Variants in SPINK6 observed in about 807,000 individuals in gnomAD.
SPINK6 encodes the protein serine protease inhibitor Kazal-type 6.
A neutral mutation model predicts 11.7 loss-of-function variants in SPINK6; 13 were observed. The ratio of observed to expected loss-of-function variants is 1.11; its 90% CI spans 0.72 to 1.76. The LOEUF is 1.76. Among genes scored for constraint, SPINK6 ranks in the 40% most tolerant of loss-of-function variants. The probability of loss-of-function intolerance (pLI) is 0.00; values close to 1 mark genes in which losing one functional copy is unlikely to be tolerated. For synonymous variants in SPINK6, 21 were observed against 31.9 expected, an observed-to-expected ratio of 0.66 and a Z score of 1.15; for missense variants, 98 against 93.7, an observed-to-expected ratio of 1.05 and a Z score of -0.19.
At position 148,215,050 on chromosome 5, in the gene SPINK6, C is replaced by A; in HGVS notation, c.*100C>A. 8.9e-7 allele frequency: 1 copy of A among 1,128,928 alleles called. No individual in the cohort carries two copies. The highest frequency in any genetic ancestry group is 1.3e-6 in the Non-Finnish European group (1 of 750,972). The allele number at this position is 1,128,928 out of a possible 1,614,324, so 69.9% of individuals were successfully genotyped here. On this transcript the variant is annotated 3_prime_UTR_variant, in exon 4 of 4. Transcript: ENST00000325630. The stretch of plus-strand genomic sequence containing the variant: ...GGTGGATTCCTTTAATTCATAAAGA[C>A]ATACCTACTCTGCCTGGGTCTTGAG...
At chr5:148,208,282 A>G (rs1406055678) in intron 2 of SPINK6, among the ~76,000 whole-genome samples, 1 of 152,180 alleles carries the variant, frequency 6.6e-6, no homozygotes, top group Non-Finnish European at 1.5e-5. Flanking sequence ...CTCCACTCAA[A>G]TATAAATGAC....
intron 2 of SPINK6, among the ~76,000 whole-genome samples, chr5:148,206,791 A>G (rs539874901): frequency 6.6e-5 from 10 of 152,268 alleles, no homozygotes; most frequent in African/African-American, 1.2e-4. Flanking sequence ...TCCTTTGTCC[A>G]TATTAAGCAT....
At chr5:148,212,595 TATAA>T (rs1336127696) in intron 2 of SPINK6, among the ~76,000 whole-genome samples, 4 of 105,802 alleles carry the variant, frequency 3.8e-5, no homozygotes, top group African/African-American at 1.6e-4. Flanking sequence ...ATATATTTTA[TATAA>T]TATATAATAT....
At chr5:148,209,992 A>ACACAGG (rs1561732169) in intron 2 of SPINK6, among the ~76,000 whole-genome samples, 1 of 145,766 alleles carries the variant, frequency 6.9e-6, no homozygotes, top group Non-Finnish European at 1.5e-5. Flanking sequence ...ATGTATACAT[A>ACACAGG]TACACGTATG....
chr5:148,208,466 GA>G (rs1444008266), intron 2 of SPINK6, among the ~76,000 whole-genome samples: 1 of 152,160 alleles, frequency 6.6e-6, no homozygotes, highest in Non-Finnish European at 1.5e-5. Flanking sequence ...CTCCAACACT[GA>G]AGTAATTCTT....
chr5:148,210,239 CGTAT>C lies in SPINK6; in HGVS notation c.82-3666_82-3663del, dbSNP rs1230338913. On this transcript the variant is annotated intron_variant, in intron 2 of 3. Transcript: ENST00000325630. ...ATGCATATGTATTTCTGCATGCATA[CGTAT>C]GTATTTCTGCATACATATATATGTA... 1.1e-3 allele frequency among the ~76,000 whole-genome samples: 124 copies of C among 112,816 alleles called. 1 individual carries two copies. Among genetic ancestry groups the C allele is most frequent in the African/African-American group, 4.9e-3 (121 of 24,476 alleles). 74.0% of individuals were successfully genotyped at this position (112,816 alleles called of 152,430 possible).
intron 2 of SPINK6, among the ~76,000 whole-genome samples, chr5:148,212,572 A>ATATT: frequency 9.6e-6 from 1 of 104,700 alleles, no homozygotes; most frequent in Admixed American, 1.4e-4. Flanking sequence ...AATATATATT[A>ATATT]TATATTATAT....
rs1289071614 is a variant in SPINK6 at position 148,204,149 on chromosome 5, A to AG, written c.58+995_58+996insG. 3.3e-5 allele frequency among the ~76,000 whole-genome samples: 5 copies of AG among 149,714 alleles called. 1 individual carries two copies. The highest frequency in any genetic ancestry group is 2.0e-4 in the East Asian group (1 of 5,028). On this transcript the variant is annotated intron_variant, in intron 1 of 3. Coordinates refer to ENST00000325630, the MANE Select transcript of SPINK6 (RefSeq NM_205841.4). Reference sequence around the variant, plus strand: ...AAATGGATGTACAAGTAAAAAAAAAATCAATGAGATTTAGCTGATAGAGAA... The same window carrying AG: ...AAATGGATGTACAAGTAAAAAAAAAAGTCAATGAGATTTAGCTGATAGAGAA...
chr5:148,211,428 T>G (rs752043766), intron 2 of SPINK6, among the ~76,000 whole-genome samples: 1 of 152,202 alleles, frequency 6.6e-6, no homozygotes, highest in Non-Finnish European at 1.5e-5. Context: ...CTACTGTAGT[T>G]AGCATAGACC....
rs1561732286 is a variant in SPINK6, at chr5:148,210,032, A to ACG, written c.82-3877_82-3876insGC. On this transcript the variant is annotated intron_variant, in intron 2 of 3. Transcript: ENST00000325630. ...CATGTATGTACGCATGTACGCATGC[A>ACG]CAAACGTATGTATGCATATATGTAT... Among the ~76,000 whole-genome samples the ACG allele has an allele frequency of 5.3e-3, 148 of 28,178 alleles. 29 individuals carry two copies. Among genetic ancestry groups the ACG allele is most frequent in the Non-Finnish European group, 2.7e-3 (13 of 4,784 alleles). 18.5% of individuals were successfully genotyped at this position (28,178 alleles called of 152,430 possible).
chr5:148,206,510 C>T (rs1416688238), intron 2 of SPINK6, among the ~76,000 whole-genome samples: 1 of 152,086 alleles, frequency 6.6e-6, no homozygotes, highest in Admixed American at 6.5e-5. Context: ...AAATTAACAT[C>T]CTCTGAAGAA....
At position 148,215,053 on chromosome 5, in the gene SPINK6, A is replaced by C; in HGVS notation, c.*103A>C. The C allele has an allele frequency of 2.7e-6, 3 of 1,113,452 alleles. No individual in the cohort carries two copies. Among genetic ancestry groups the C allele is most frequent in the Non-Finnish European group, 4.1e-6 (3 of 738,622 alleles). 69.0% of individuals were successfully genotyped at this position (1,113,452 alleles called of 1,614,324 possible). A position where few individuals can be genotyped will look rare whatever the true frequency, so the allele number is the denominator to read the frequency against. ...GGATTCCTTTAATTCATAAAGACAT[A>C]CCTACTCTGCCTGGGTCTTGAGGAG... On this transcript the variant is annotated 3_prime_UTR_variant, in exon 4 of 4. Coordinates refer to ENST00000325630, the MANE Select transcript of SPINK6 (RefSeq NM_205841.4).
At chr5:148,210,125 CATTTATTTCTGCATACATATGT>C (rs1561732424) in intron 2 of SPINK6, among the ~76,000 whole-genome samples, 23 of 149,076 alleles carry the variant, frequency 1.5e-4, no homozygotes, top group East Asian at 1.2e-3. Context: ...TGTATGTTTA[CATTTATTTCTGCATACATATGT>C]ATGTATTTCT....
intron 2 of SPINK6, among the ~76,000 whole-genome samples, chr5:148,208,366 G>A (rs1309517250): frequency 6.6e-6 from 1 of 152,144 alleles, no homozygotes; most frequent in Non-Finnish European, 1.5e-5. Context: ...GAGGGTGGAA[G>A]TTTCAATGCC....
intron 2 of SPINK6, among the ~76,000 whole-genome samples, chr5:148,210,075 T>C (rs1755563209): frequency 6.7e-6 from 1 of 150,122 alleles, no homozygotes; most frequent in South Asian, 2.1e-4. Flanking sequence ...TATGTATGCA[T>C]ATATGTATGC....
At chr5:148,209,511 T>G (rs762569271) in intron 2 of SPINK6, among the ~76,000 whole-genome samples, 1 of 152,162 alleles carries the variant, frequency 6.6e-6, no homozygotes. Context: ...TGTGTCCACA[T>G]GCAGGAAAGA....
rs1491293004 is a variant in SPINK6 at position 148,212,561 on chromosome 5, TAA to T, written c.82-1348_82-1347del. On this transcript the variant is annotated intron_variant, in intron 2 of 3. Transcript: ENST00000325630. ...ATAAGTATATATTTATATATTTATATAATATATATTATATATTATATAAATAT... is the reference window on the plus strand; with the variant it reads ...ATAAGTATATATTTATATATTTATATTATATATTATATATTATATAAATAT... Among the ~76,000 whole-genome samples, 279 of 68,462 alleles carry T rather than the reference TAA, an allele frequency of 4.1e-3. 1 individual carries two copies. Among genetic ancestry groups the T allele is most frequent in the African/African-American group, 0.013 (266 of 21,276 alleles). 44.9% of individuals were successfully genotyped at this position (68,462 alleles called of 152,430 possible). A position where few individuals can be genotyped will look rare whatever the true frequency, so the allele number is the denominator to read the frequency against.
chr5:148,206,771 C>T, intron 2 of SPINK6, among the ~76,000 whole-genome samples: 1 of 152,082 alleles, frequency 6.6e-6, no homozygotes, highest in East Asian at 1.9e-4. Context: ...ATTTGTTCTG[C>T]CAATCCTGTT....
At chr5:148,205,943 C>A in intron 1 of SPINK6, 93 bp from the exon 2 acceptor site, 4 of 1,282,012 alleles carry the variant, frequency 3.1e-6, no homozygotes, top group South Asian at 1.2e-5. Flanking sequence ...AGCCAAGTAC[C>A]AGGAGTAGAT....
Sources: allele counts gnomAD v4.1 joint callset (sites outside exome capture counted in the v4.1 genomes callset), GRCh38; gene constraint gnomAD v4.1.1; transcripts MANE v1.5; gene names NCBI Gene and HGNC (gene_info 2026-07-23, HGNC 2026-07-21).